The following ARHGAP20 variants were observed in gnomAD, a reference collection of about 807,000 sequenced individuals.
ARHGAP20 encodes the protein Rho GTPase activating protein 20, also known as rho GTPase-activating protein 20.
ARHGAP20 carries 34 observed loss-of-function variants against 73.7 expected under a neutral mutation model. The ratio of observed to expected loss-of-function variants is 0.46; its 90% CI spans 0.35 to 0.61. ARHGAP20 has a LOEUF of 0.61. Among genes scored for constraint, ARHGAP20 ranks in the 20% least tolerant of loss-of-function variants. The probability of loss-of-function intolerance (pLI) is 0.00; values close to 1 mark genes in which losing one functional copy is unlikely to be tolerated. For synonymous variants in ARHGAP20, 523 were observed against 518.2 expected, an observed-to-expected ratio of 1.01 and a Z score of -0.13; for missense variants, 1,314 against 1,420.9, an observed-to-expected ratio of 0.92 and a Z score of 1.21.
At chr11:110,645,172 G>A (rs569177313) in intron 2 of ARHGAP20, among the ~76,000 whole-genome samples, 303 of 152,044 alleles carry the variant, frequency 2.0e-3, no homozygotes, top group African/African-American at 6.9e-3. Context: ...ACCACACCCC[G>A]CTAATTTTTG....
intron 9 of ARHGAP20, among the ~76,000 whole-genome samples, chr11:110,594,645 C>T (rs1947908867): frequency 6.6e-6 from 1 of 152,186 alleles, no homozygotes; most frequent in Admixed American, 6.5e-5. Flanking sequence ...AAAACAAAAA[C>T]GGAAAAGGAC....
chr11:110,577,179 T>G lies in ARHGAP20; in HGVS notation c.*2191A>C, dbSNP rs2134760672. 6.5e-7 allele frequency: 1 copy of G among 1,532,998 alleles called. No homozygotes were observed. The highest frequency in any genetic ancestry group is 1.4e-5 in the African/African-American group (1 of 73,068). 95.0% of individuals were successfully genotyped at this position (1,532,998 alleles called of 1,614,324 possible). On this transcript the variant is annotated 3_prime_UTR_variant, in exon 15 of 15. Transcript: ENST00000683387. ...TGCAAGTACAAAAATACACATTTAT[T>G]ACATAACATATGGTAGTAAAATTTG...
intron 6 of ARHGAP20, among the ~76,000 whole-genome samples, chr11:110,612,667 A>G (rs184292105): frequency 6.6e-6 from 1 of 152,340 alleles, no homozygotes; most frequent in Admixed American, 6.5e-5. Flanking sequence ...AAATACAAAA[A>G]TGATATAAAA....
chr11:110,639,141 C>T (rs112830339), intron 2 of ARHGAP20, among the ~76,000 whole-genome samples: 37 of 151,984 alleles, frequency 2.4e-4, no homozygotes, highest in African/African-American at 8.4e-4. Flanking sequence ...GTAAATAAGT[C>T]TGATTTTTTC....
intron 2 of ARHGAP20, among the ~76,000 whole-genome samples, chr11:110,650,303 A>T (rs1949321229): frequency 6.6e-6 from 1 of 152,198 alleles, no homozygotes; most frequent in African/African-American, 2.4e-5. Flanking sequence ...ATGTTGCAGA[A>T]TTAATAGCTA....
chr11:110,588,068 AC>A (rs1947717773), intron 11 of ARHGAP20, among the ~76,000 whole-genome samples: 1 of 152,234 alleles, frequency 6.6e-6, no homozygotes, highest in African/African-American at 2.4e-5. Flanking sequence ...TTGAAGAAAA[AC>A]ATCATTAACA....
chr11:110,592,971 A>C (rs761907125), intron 9 of ARHGAP20, among the ~76,000 whole-genome samples: 14 of 152,188 alleles, frequency 9.2e-5, no homozygotes, highest in Non-Finnish European at 1.5e-4. Context: ...TATGTTAATA[A>C]ATATAATGTC....
chr11:110,657,270 C>T (rs1416385435), intron 2 of ARHGAP20, among the ~76,000 whole-genome samples: 2 of 151,238 alleles, frequency 1.3e-5, no homozygotes, highest in South Asian at 2.1e-4. Flanking sequence ...ATTCTGAGAC[C>T]ACAGAAAGGA....
At chr11:110,678,385 GTTGTT>G (rs756446882) in intron 2 of ARHGAP20, among the ~76,000 whole-genome samples, 1 of 152,178 alleles carries the variant, frequency 6.6e-6, no homozygotes, top group African/African-American at 2.4e-5. Context: ...CCATAAAGAT[GTTGTT>G]TTGTTTTGTT....
At chr11:110,672,253 T>C (rs890777403) in intron 2 of ARHGAP20, among the ~76,000 whole-genome samples, 4 of 152,296 alleles carry the variant, frequency 2.6e-5, no homozygotes, top group African/African-American at 9.6e-5. Flanking sequence ...TCTGATTATA[T>C]ATATTTGACA....
At chr11:110,679,423 A>G (rs1949994640) in intron 2 of ARHGAP20, among the ~76,000 whole-genome samples, 1 of 152,184 alleles carries the variant, frequency 6.6e-6, no homozygotes, top group Admixed American at 6.5e-5. Context: ...CCAAAACGAC[A>G]TGATAACAAG....
At chr11:110,634,792 T>C (rs1948930333) in intron 2 of ARHGAP20, among the ~76,000 whole-genome samples, 1 of 152,116 alleles carries the variant, frequency 6.6e-6, no homozygotes, top group Non-Finnish European at 1.5e-5. Flanking sequence ...ATAATGGATA[T>C]GATTGGCTAT....
At chr11:110,592,213 A>G (rs994410694) in intron 9 of ARHGAP20, 58 bp from the exon 10 acceptor site, 17 of 1,485,790 alleles carry the variant, frequency 1.1e-5, no homozygotes, top group Non-Finnish European at 1.4e-5. Context: ...TCTTATTTCT[A>G]TAACTTCCAT....
At chr11:110,680,903 T>C (rs1465994451) in intron 2 of ARHGAP20, among the ~76,000 whole-genome samples, 1 of 152,174 alleles carries the variant, frequency 6.6e-6, no homozygotes, top group Non-Finnish European at 1.5e-5. Flanking sequence ...TGGTAAAAAA[T>C]TTGCCAACTT....
intron 8 of ARHGAP20, among the ~76,000 whole-genome samples, chr11:110,607,459 A>G (rs1339831088): frequency 6.6e-6 from 1 of 152,174 alleles, no homozygotes; most frequent in Non-Finnish European, 1.5e-5. Context: ...CATGATTTTA[A>G]CTCTTTAGTA....
chr11:110,580,929 G>A lies in ARHGAP20; in HGVS notation c.2017C>T (p.His673Tyr). 6.2e-7 allele frequency: 1 copy of A among 1,614,032 alleles called. No individual in the cohort carries two copies. Among genetic ancestry groups the A allele is most frequent in the Non-Finnish European group, 8.5e-7 (1 of 1,179,876 alleles). Residue 673 changes from histidine (H) to tyrosine (Y), a missense_variant, in exon 15 of 15, where the codon CAT becomes TAT. By Grantham distance (83) the His-to-Tyr change is moderately conservative. Around this residue, in one of 3 missense-constraint regions of ARHGAP20, gnomAD observed 641 missense variants for 636.9 expected, o/e 1.01. Coordinates refer to ENST00000683387, the MANE Select transcript of ARHGAP20 (RefSeq NM_001384657.1). ...LVYTKIPLRD[H>Y]ARAPSAMCTP... ...CACATGGCAGATGGGGCCCTGGCAT[G>A]ATCCCGCAGTGGGATCTTTGTGTAC...
At chr11:110,664,922 G>T (rs1949692946) in intron 2 of ARHGAP20, among the ~76,000 whole-genome samples, 2 of 152,040 alleles carry the variant, frequency 1.3e-5, no homozygotes, top group Admixed American at 6.5e-5. Flanking sequence ...AGTCAATATT[G>T]TTAAGATATC....
chr11:110,665,218 A>C (rs1949700052), intron 2 of ARHGAP20, among the ~76,000 whole-genome samples: 1 of 152,206 alleles, frequency 6.6e-6, no homozygotes, highest in African/African-American at 2.4e-5. Context: ...CAGTGTTTTA[A>C]AAAGTTGAGA....
At chr11:110,704,033 G>C (rs1032095791) in intron 1 of ARHGAP20, among the ~76,000 whole-genome samples, 1 of 152,146 alleles carries the variant, frequency 6.6e-6, no homozygotes, top group Non-Finnish European at 1.5e-5. Flanking sequence ...CCTTACGGTA[G>C]CCCCTCATTG....
Sources: gnomAD v4.1 joint callset for allele counts (sites outside exome capture counted in the v4.1 genomes callset) on GRCh38, gnomAD v4.1.1 for gene constraint, gnomAD v4.1.1 regional missense constraint, MANE v1.5 for transcripts, NCBI Gene and HGNC (gene_info 2026-07-23, HGNC 2026-07-21) for gene names.